PDE11A: variants seen among roughly 807,000 people sequenced by gnomAD.
PDE11A encodes the protein phosphodiesterase 11A.
PDE11A carries 100 observed loss-of-function variants against 100.5 expected under a neutral mutation model. The observed-to-expected ratio is 1.00, with a 90% CI of 0.85 to 1.18. The LOEUF (loss-of-function observed/expected upper bound fraction) is 1.18, where lower values mean the gene tolerates loss of function less well. PDE11A is among the 50% of genes most tolerant of loss of function. The pLI, the probability that PDE11A is intolerant of heterozygous loss-of-function variation, is 0.00. For synonymous variants in PDE11A, 381 were observed against 420.8 expected (o/e 0.91, Z 1.16); for missense variants, 1,141 against 1,152.6 (o/e 0.99, Z 0.15).
chr2:177,634,388 C>A (rs58190094), intron 19 of PDE11A, among the ~76,000 whole-genome samples: 1 of 61,088 alleles, frequency 1.6e-5, no homozygotes, highest in Non-Finnish European at 4.8e-5. Context: ...TTTTCTCTCT[C>A]TCTTTTTTTT....
At chr2:177,885,487 A>G (rs2084416605) in intron 4 of PDE11A, among the ~76,000 whole-genome samples, 1 of 152,190 alleles carries the variant, frequency 6.6e-6, no homozygotes, top group Admixed American at 6.5e-5. Context: ...GTATATAACA[A>G]TAATAGTTTG....
chr2:177,814,052 G>A (rs1268219206), intron 9 of PDE11A, among the ~76,000 whole-genome samples: 1 of 152,092 alleles, frequency 6.6e-6, no homozygotes, highest in Non-Finnish European at 1.5e-5. Flanking sequence ...TCAGAAAGAA[G>A]GGATAGGAAT....
intron 12 of PDE11A, among the ~76,000 whole-genome samples, chr2:177,713,562 T>C (rs2081387416): frequency 6.6e-6 from 1 of 152,032 alleles, no homozygotes; most frequent in Admixed American, 6.5e-5. Context: ...CCATCTTTAC[T>C]GAAAATACAA....
intron 13 of PDE11A, among the ~76,000 whole-genome samples, chr2:177,709,722 A>G (rs1033797576): frequency 1.3e-5 from 2 of 152,174 alleles, no homozygotes; most frequent in African/African-American, 4.8e-5. Context: ...TCAAGGTTGT[A>G]CAGGTGGATG....
chr2:177,971,600 G>A (rs761448120), intron 2 of PDE11A, among the ~76,000 whole-genome samples: 1 of 152,148 alleles, frequency 6.6e-6, no homozygotes, highest in Non-Finnish European at 1.5e-5. Context: ...ACCAAATAGG[G>A]ACATCCTTTA....
chr2:177,721,588 T>C (rs887528737), intron 12 of PDE11A, among the ~76,000 whole-genome samples: 3 of 152,178 alleles, frequency 2.0e-5, no homozygotes, highest in Admixed American at 6.6e-5. Context: ...TCTTAAGGAC[T>C]TAGCTTTCAA....
intron 19 of PDE11A, among the ~76,000 whole-genome samples, chr2:177,650,083 G>T (rs111252868): frequency 1.3e-5 from 2 of 152,030 alleles, no homozygotes; most frequent in Admixed American, 1.3e-4. Flanking sequence ...CAATAACATC[G>T]TATATAAATA....
intron 19 of PDE11A, among the ~76,000 whole-genome samples, chr2:177,631,664 T>TAC (rs146201105): frequency 0.071 from 9,231 of 130,546 alleles, 794 homozygotes; most frequent in African/African-American, 0.22. Context: ...TGTATATATA[T>TAC]ACACATATAT....
At chr2:178,089,121 T>C (rs913260738) in intron 2 of PDE11A, among the ~76,000 whole-genome samples, 1 of 152,168 alleles carries the variant, frequency 6.6e-6, no homozygotes, top group African/African-American at 2.4e-5. Flanking sequence ...GAATTTATTA[T>C]AGGAATTAGG....
At chr2:177,680,999 T>G (rs2080854191) in intron 15 of PDE11A, 96 bp from the exon 16 acceptor site, 1 of 692,250 alleles carries the variant, frequency 1.4e-6, no homozygotes, top group Non-Finnish European at 2.6e-6. Context: ...GGGAAAAACA[T>G]AAGACCACTT....
rs1491546965 is a variant in PDE11A at position 177,631,550 on chromosome 2, CAT to C, written c.2647-1990_2647-1989del. On this transcript the variant is annotated intron_variant, in intron 19 of 19. Coordinates refer to ENST00000286063, the MANE Select transcript of PDE11A (RefSeq NM_016953.4). ...ATATATATATATATATATATATACA[CAT>C]GTATATATATATATATACATGTATA... Among the ~76,000 whole-genome samples the C allele has an allele frequency of 1.7e-3, 14 of 8,298 alleles. 2 individuals are homozygous for C. The highest frequency in any genetic ancestry group is 2.7e-3 in the African/African-American group (14 of 5,220). The allele number at this position is 8,298 out of a possible 152,430, so 5.4% of individuals were successfully genotyped here.
chr2:177,965,016 C>T (rs2105792395), intron 2 of PDE11A, among the ~76,000 whole-genome samples: 1 of 152,310 alleles, frequency 6.6e-6, no homozygotes, highest in African/African-American at 2.4e-5. Flanking sequence ...CTTTTCTCTA[C>T]AACCTCACAA....
chr2:178,013,085 A>G (rs2086290992), intron 2 of PDE11A, among the ~76,000 whole-genome samples: 1 of 152,166 alleles, frequency 6.6e-6, no homozygotes, highest in African/African-American at 2.4e-5. Context: ...TTTGCTTCAG[A>G]GGACAGATCA....
At chr2:178,094,455 C>A (rs1480917309) in intron 2 of PDE11A, among the ~76,000 whole-genome samples, 3 of 152,084 alleles carry the variant, frequency 2.0e-5, no homozygotes, top group Non-Finnish European at 2.9e-5. Context: ...TCAGTTGAGT[C>A]CAGGATGTCA....
At chr2:178,007,876 T>G (rs188206241) in intron 2 of PDE11A, among the ~76,000 whole-genome samples, 7 of 152,152 alleles carry the variant, frequency 4.6e-5, no homozygotes, top group Admixed American at 3.9e-4. Context: ...GGCTAAATTT[T>G]TTTTGTATCT....
At chr2:177,736,527 A>G (rs2081785823) in intron 10 of PDE11A, among the ~76,000 whole-genome samples, 1 of 147,962 alleles carries the variant, frequency 6.8e-6, no homozygotes, top group Non-Finnish European at 1.5e-5. Context: ...AAAAAAAAAG[A>G]AAAAAAAAGA....
At chr2:177,896,913 C>T (rs1167333915) in intron 4 of PDE11A, among the ~76,000 whole-genome samples, 1 of 152,052 alleles carries the variant, frequency 6.6e-6, no homozygotes. Context: ...TTTGTGTAAA[C>T]CGCACTGACT....
At chr2:177,697,476 G>T in intron 14 of PDE11A, 44 bp from the exon 15 acceptor site, 1 of 925,152 alleles carries the variant, frequency 1.1e-6, no homozygotes, top group South Asian at 1.3e-5. Flanking sequence ...TTAAATCTGT[G>T]GTTGTTGATT....
intron 13 of PDE11A, among the ~76,000 whole-genome samples, chr2:177,702,977 T>C (rs2081223544): frequency 6.6e-6 from 1 of 152,190 alleles, no homozygotes; most frequent in Non-Finnish European, 1.5e-5. Context: ...TTCATTTCTA[T>C]GAAGACACGT....
Sources: gnomAD v4.1 joint callset for allele counts (sites outside exome capture counted in the v4.1 genomes callset) on GRCh38, gnomAD v4.1.1 for gene constraint, MANE v1.5 for transcripts, NCBI Gene and HGNC (gene_info 2026-07-23, HGNC 2026-07-21) for gene names.